Variants in OSBPL10 observed in about 807,000 individuals in gnomAD.
The protein encoded by OSBPL10 is oxysterol-binding protein-related protein 10.
In OSBPL10, 49 loss-of-function variants were observed where a neutral mutation model predicts 81.7. The observed-to-expected ratio is 0.60, with a 90% CI of 0.48 to 0.76. The LOEUF (loss-of-function observed/expected upper bound fraction) is 0.76, where lower values mean the gene tolerates loss of function less well. Ranked by LOEUF, OSBPL10 falls within the 30% of genes least tolerant of loss-of-function variation. The pLI, the probability that OSBPL10 is intolerant of heterozygous loss-of-function variation, is 0.00. For synonymous variants in OSBPL10, 419 were observed against 383.6 expected, an observed-to-expected ratio of 1.09 and a Z score of -1.08; for missense variants, 923 against 987.8, an observed-to-expected ratio of 0.93 and a Z score of 0.88.
intron 1 of OSBPL10, among the ~76,000 whole-genome samples, chr3:32,073,030 G>C (rs1273290641): frequency 6.6e-6 from 1 of 152,086 alleles, no homozygotes; most frequent in African/African-American, 2.4e-5. Context: ...CAGACTAATG[G>C]TCTTTTAAAG....
chr3:32,051,305 G>A (rs1699668058), intron 1 of OSBPL10, among the ~76,000 whole-genome samples: 1 of 152,216 alleles, frequency 6.6e-6, no homozygotes, highest in South Asian at 2.1e-4. Flanking sequence ...AAAATCTAAG[G>A]ATCTGTTCTG....
At chr3:31,884,656 A>G (rs958705485) in intron 1 of OSBPL10, among the ~76,000 whole-genome samples, 3 of 152,250 alleles carry the variant, frequency 2.0e-5, no homozygotes, top group Non-Finnish European at 4.4e-5. Context: ...CTTTCATTCT[A>G]AATGGAAAAG....
intron 3 of OSBPL10, among the ~76,000 whole-genome samples, chr3:31,841,744 GCTGGGTATTTA>G (rs1321642639): frequency 3.3e-5 from 5 of 152,210 alleles, no homozygotes; most frequent in African/African-American, 1.2e-4. Context: ...CACCAGCTGA[GCTGGGTATTTA>G]CTAACAGCCA....
chr3:31,918,844 A>G (rs556536150), intron 1 of OSBPL10, among the ~76,000 whole-genome samples: 1 of 152,220 alleles, frequency 6.6e-6, no homozygotes, highest in Non-Finnish European at 1.5e-5. Context: ...TGATTTTTAA[A>G]TCATGGCAAC....
intron 2 of OSBPL10, among the ~76,000 whole-genome samples, chr3:31,994,801 C>A (rs2125525900): frequency 6.6e-6 from 1 of 152,242 alleles, no homozygotes; most frequent in South Asian, 2.1e-4. Context: ...AAAACAAATA[C>A]CCCAGTATCA....
chr3:31,799,898 G>A (rs1207143730), intron 4 of OSBPL10, among the ~76,000 whole-genome samples: 3 of 152,092 alleles, frequency 2.0e-5, no homozygotes, highest in African/African-American at 7.2e-5. Flanking sequence ...CAGTAGAGAT[G>A]GTATTTCACC....
chr3:31,959,471 A>C (rs1698100461), intron 1 of OSBPL10, among the ~76,000 whole-genome samples: 1 of 152,204 alleles, frequency 6.6e-6, no homozygotes, highest in African/African-American at 2.4e-5. Context: ...ACAATCTGTT[A>C]ATACCCCAGG....
Position 32,065,794 on chromosome 3 carries a change from A to T in OSBPL10, n.185+11602T>A, listed in dbSNP as rs796446368. 1.0e-4 allele frequency among the ~76,000 whole-genome samples: 9 copies of T among 89,058 alleles called. 2 individuals are homozygous for T. Among genetic ancestry groups the T allele is most frequent in the African/African-American group, 2.0e-4 (7 of 34,800 alleles). The allele number at this position is 89,058 out of a possible 152,430, so 58.4% of individuals were successfully genotyped here. A position where few individuals can be genotyped will look rare whatever the true frequency, so the allele number is the denominator to read the frequency against. On this transcript the variant is annotated intron_variant and non_coding_transcript_variant, in intron 1 of 3. Transcript: ENST00000479173. Reference sequence around the variant, plus strand: ...CTACTTGGGAGGCTGAAGCCAAAGGATCGCTTGAGCCCAGGAGGCCTAGGT... The same window carrying T: ...CTACTTGGGAGGCTGAAGCCAAAGGTTCGCTTGAGCCCAGGAGGCCTAGGT...
rs528580323 is a variant in OSBPL10 at position 31,828,810 on chromosome 3, G to C, written c.729+1230C>G. ...GGCCTCCCAAAGTGCTGGGATTACA[G>C]GCATGGGCCACCAGGCCCGGCCCAG... On this transcript the variant is annotated intron_variant, in intron 4 of 11. Coordinates refer to ENST00000396556, the MANE Select transcript of OSBPL10 (RefSeq NM_017784.5). 2.3e-3 allele frequency among the ~76,000 whole-genome samples: 349 copies of C among 152,350 alleles called. 1 individual carries two copies. Among genetic ancestry groups the C allele is most frequent in the African/African-American group, 8.2e-3 (340 of 41,580 alleles).
chr3:31,839,416 T>C (rs1352263275), intron 3 of OSBPL10, among the ~76,000 whole-genome samples: 1 of 152,142 alleles, frequency 6.6e-6, no homozygotes, highest in African/African-American at 2.4e-5. Context: ...CAAATATTCC[T>C]GTCCTCACAG....
In OSBPL10 at chr3:31,832,640, T is replaced by C. The variant is rs541125641; in HGVS notation, c.538-2409A>G. 3.2e-4 allele frequency among the ~76,000 whole-genome samples: 49 copies of C among 152,242 alleles called. 1 individual carries two copies. The South Asian group carries it at 8.3e-3, about 26-fold the overall frequency. On this transcript the variant is annotated intron_variant, in intron 3 of 11. Transcript: ENST00000396556. ...ATACAGAGACAGACGGAGGGAAACA[T>C]ACACAGATGCACACTTACAAGATGG... is the stretch of plus-strand genomic sequence containing the variant.
chr3:31,798,879 G>T (rs892479621), intron 4 of OSBPL10, among the ~76,000 whole-genome samples: 1 of 152,180 alleles, frequency 6.6e-6, no homozygotes, highest in Non-Finnish European at 1.5e-5. Context: ...GACCAGTTTT[G>T]TGGAAGACAA....
At chr3:31,764,725 A>G (rs1698147264) in intron 4 of OSBPL10, among the ~76,000 whole-genome samples, 1 of 152,208 alleles carries the variant, frequency 6.6e-6, no homozygotes, top group African/African-American at 2.4e-5. Context: ...TCTCCCAGCA[A>G]GGGTGGAGCA....
rs34579457 is a variant in OSBPL10, at chr3:31,761,813, T to TAAAA, written c.730-13697_730-13694dup. Among the ~76,000 whole-genome samples, 115 of 107,522 alleles carry TAAAA rather than the reference T, an allele frequency of 1.1e-3. 3 individuals are homozygous for TAAAA. Among genetic ancestry groups the TAAAA allele is most frequent in the African/African-American group, 3.6e-3 (57 of 15,702 alleles). 70.5% of individuals were successfully genotyped at this position (107,522 alleles called of 152,430 possible). On this transcript the variant is annotated intron_variant, in intron 4 of 11. Transcript: ENST00000396556. ...CTGGGCAACAGAGCAAGACTGTCTC[T>TAAAA]AAAAAAAAAAAAAAAAAACCCTAAA...
At chr3:32,044,985 C>T (rs1030415683) in intron 2 of OSBPL10, among the ~76,000 whole-genome samples, 1 of 152,088 alleles carries the variant, frequency 6.6e-6, no homozygotes, top group African/African-American at 2.4e-5. Context: ...TGAAAGATTC[C>T]AGAAAAAATC....
Position 31,879,848 on chromosome 3 carries a change from A to T in OSBPL10, c.282-18T>A. 1.2e-6 allele frequency: 2 copies of T among 1,608,892 alleles called. No individual in the cohort carries two copies. The highest frequency in any genetic ancestry group is 8.5e-7 in the Non-Finnish European group (1 of 1,178,080). ...CGAAGTACCTGCACAGAGAAACCAC[A>T]GTACATCATTTTTCTCTCCTACCCT... On this transcript the variant is annotated intron_variant, in intron 1 of 11. Transcript: ENST00000396556.
chr3:31,874,915 A>G (rs72851816), intron 3 of OSBPL10, among the ~76,000 whole-genome samples: 2,761 of 152,274 alleles, frequency 0.018, 82 homozygotes, highest in African/African-American at 0.063. Flanking sequence ...CACACATTAC[A>G]GCATTATATG....
At chr3:31,675,627 TG>T (rs1370025687) in intron 8 of OSBPL10, among the ~76,000 whole-genome samples, 1 of 152,154 alleles carries the variant, frequency 6.6e-6, no homozygotes, top group Admixed American at 6.5e-5. Context: ...GCCCTCTCGA[TG>T]GGTATCACCA....
At chr3:31,965,846 A>C (rs867000764) in intron 1 of OSBPL10, among the ~76,000 whole-genome samples, 10 of 62,622 alleles carry the variant, frequency 1.6e-4, no homozygotes, top group East Asian at 1.7e-3. Flanking sequence ...TATATATTAT[A>C]TAAAAAGATA....
Sources: allele counts gnomAD v4.1 joint callset (sites outside exome capture counted in the v4.1 genomes callset), GRCh38; gene constraint gnomAD v4.1.1; transcripts MANE v1.5; gene names NCBI Gene and HGNC (gene_info 2026-07-23, HGNC 2026-07-21).